Variants in LRRFIP1 observed in about 807,000 individuals in gnomAD.
LRRFIP1 encodes the protein leucine-rich repeat flightless-interacting protein 1.
A neutral mutation model predicts 104.4 loss-of-function variants in LRRFIP1; 62 were observed. The observed-to-expected ratio is 0.59, with a 90% CI of 0.48 to 0.73. LRRFIP1 has a LOEUF of 0.73. LRRFIP1 is among the 30% of genes least tolerant of loss of function. LRRFIP1 has a pLI of 0.00. For missense variants in LRRFIP1, 796 were observed against 824.5 expected (o/e 0.97, Z 0.42); for synonymous variants, 300 against 299.0 (o/e 1.00, Z -0.03).
chr2:237,744,133 G>C (rs1304350937), intron 11 of LRRFIP1, among the ~76,000 whole-genome samples: 2 of 152,218 alleles, frequency 1.3e-5, no homozygotes, highest in African/African-American at 4.8e-5. Flanking sequence ...AGAGTTCAAA[G>C]ATAAGTCATT....
chr2:237,720,488 G>A (rs1435995226), intron 5 of LRRFIP1, among the ~76,000 whole-genome samples: 1 of 152,064 alleles, frequency 6.6e-6, no homozygotes, highest in Non-Finnish European at 1.5e-5. Context: ...GACCTCAAGT[G>A]ATCTGCCTGC....
intron 19 of LRRFIP1, among the ~76,000 whole-genome samples, chr2:237,767,002 T>C (rs2150899445): frequency 6.6e-6 from 1 of 152,178 alleles, no homozygotes; most frequent in Non-Finnish European, 1.5e-5. Context: ...AAAGCCCATC[T>C]CTACAAAAAA....
At chr2:237,758,653 T>C (rs1020314443) in intron 17 of LRRFIP1, 76 bp from the exon 18 acceptor site, 2 of 981,334 alleles carry the variant, frequency 2.0e-6, no homozygotes, top group Non-Finnish European at 3.2e-6. Flanking sequence ...GAAGCCTCCT[T>C]CTGGTTCCTG....
intron 4 of LRRFIP1, 61 bp from the exon 5 acceptor site, chr2:237,719,462 T>A (rs1026436832): frequency 8.6e-6 from 11 of 1,279,666 alleles, no homozygotes; most frequent in Admixed American, 8.6e-5. Flanking sequence ...TAAGCTTTTT[T>A]AAAGCACTTT....
Position 237,627,684 on chromosome 2 carries a change from C to G in LRRFIP1, c.40C>G (p.Pro14Ala), listed in dbSNP as rs2081740798. 1 of 1,372,100 alleles carries G rather than the reference C, an allele frequency of 7.3e-7. No homozygotes were observed. The highest frequency in any genetic ancestry group is 1.5e-5 in the African/African-American group (1 of 66,236). The allele number at this position is 1,372,100 out of a possible 1,614,324, so 85.0% of individuals were successfully genotyped here. The change falls in exon 1 of 24, where the codon CCC becomes GCC. Residue 14 changes from proline to alanine, a missense_variant. Coordinates refer to ENST00000308482, the MANE Select transcript of LRRFIP1 (RefSeq NM_001137550.2). ...GTQGSGRKRL[P>A]NRERLTAEDD... ...CCAGGGATCGGGGCGCAAGCGGCTC[C>G]CCAACCGGGAGCGGCTCACGGCGGA...
At chr2:237,742,579 C>T (rs1375768867) in intron 11 of LRRFIP1, among the ~76,000 whole-genome samples, 4 of 152,242 alleles carry the variant, frequency 2.6e-5, no homozygotes, top group Non-Finnish European at 4.4e-5. Context: ...AGCTCATTTC[C>T]ATAATTTCCA....
intron 1 of LRRFIP1, among the ~76,000 whole-genome samples, chr2:237,678,719 G>T (rs912384241): frequency 1.9e-4 from 29 of 151,944 alleles, no homozygotes; most frequent in African/African-American, 6.8e-4. Context: ...TGCTGGCCAG[G>T]CTGGTCTCAA....
chr2:237,745,481 A>C (rs1004065350), intron 11 of LRRFIP1, among the ~76,000 whole-genome samples: 1 of 152,232 alleles, frequency 6.6e-6, no homozygotes, highest in African/African-American at 2.4e-5. Context: ...TAAAAACAGC[A>C]AACTATGGTT....
chr2:237,687,746 T>C (rs1016492504), intron 1 of LRRFIP1, among the ~76,000 whole-genome samples: 1 of 152,180 alleles, frequency 6.6e-6, no homozygotes, highest in African/African-American at 2.4e-5. Flanking sequence ...AAACAGATGT[T>C]AGGGCTCTGA....
Position 237,761,097 on chromosome 2 carries a change from T to C in LRRFIP1, c.1459+892T>C, listed in dbSNP as rs185972361. Among the ~76,000 whole-genome samples the C allele has an allele frequency of 2.9e-3, 442 of 152,302 alleles. 4 individuals are homozygous for C. Among genetic ancestry groups the C allele is most frequent in the South Asian group, 0.013 (65 of 4,820 alleles). On this transcript the variant is annotated intron_variant, in intron 19 of 23. Coordinates refer to ENST00000308482, the MANE Select transcript of LRRFIP1 (RefSeq NM_001137550.2). Reference sequence around the variant, plus strand: ...TGACTTTTCATTTTAATGTAGAAGCTTTCATCTTATTTCTTTTTATTTATG... The same window carrying C: ...TGACTTTTCATTTTAATGTAGAAGCCTTCATCTTATTTCTTTTTATTTATG...
intron 8 of LRRFIP1, among the ~76,000 whole-genome samples, chr2:237,728,276 G>A (rs779431806): frequency 6.6e-6 from 1 of 152,154 alleles, no homozygotes; most frequent in African/African-American, 2.4e-5. Flanking sequence ...AGTATATTCA[G>A]CTTTCAAAGA....
At chr2:237,666,013 G>A (rs1403661717) in intron 1 of LRRFIP1, among the ~76,000 whole-genome samples, 1 of 152,238 alleles carries the variant, frequency 6.6e-6, no homozygotes, top group African/African-American at 2.4e-5. Context: ...CCTCGGTCCT[G>A]TTCACAAGCA....
intron 6 of LRRFIP1, among the ~76,000 whole-genome samples, chr2:237,722,368 C>A (rs912898036): frequency 6.6e-6 from 1 of 152,156 alleles, no homozygotes; most frequent in Middle Eastern, 3.2e-3. Context: ...AAAGAATGTT[C>A]AGTTTCTTCA....
At chr2:237,708,821 C>T (rs180827524) in intron 2 of LRRFIP1, 191 bp downstream of exon 2, 6 of 708,032 alleles carry the variant, frequency 8.5e-6, no homozygotes, top group Non-Finnish European at 1.6e-5. Context: ...ACCAGGCGTG[C>T]CTGCTCAGAC....
chr2:237,733,471 T>C (rs1464498886), intron 8 of LRRFIP1, among the ~76,000 whole-genome samples: 2 of 152,234 alleles, frequency 1.3e-5, no homozygotes, highest in Admixed American at 6.5e-5. Context: ...CACCATTCTG[T>C]CTCATCCCCT....
chr2:237,700,241 C>G (rs2093439505), intron 1 of LRRFIP1, among the ~76,000 whole-genome samples: 1 of 152,116 alleles, frequency 6.6e-6, no homozygotes, highest in Non-Finnish European at 1.5e-5. Context: ...GGAAAGGGAT[C>G]CCGTGTCACA....
intron 1 of LRRFIP1, among the ~76,000 whole-genome samples, chr2:237,664,086 G>T (rs1447718915): frequency 6.6e-6 from 1 of 152,156 alleles, no homozygotes; most frequent in African/African-American, 2.4e-5. Context: ...GCTGCAGAGA[G>T]ACCCAAGGGA....
At chr2:237,665,710 A>G (rs1370915333) in intron 1 of LRRFIP1, among the ~76,000 whole-genome samples, 3 of 152,150 alleles carry the variant, frequency 2.0e-5, no homozygotes, top group African/African-American at 7.2e-5. Flanking sequence ...AGCATGGCTG[A>G]GTTGGCTGTT....
At chr2:237,758,385 C>T (rs542331381) in intron 17 of LRRFIP1, among the ~76,000 whole-genome samples, 2 of 152,310 alleles carry the variant, frequency 1.3e-5, no homozygotes, top group South Asian at 2.1e-4. Flanking sequence ...ACTGACCCCT[C>T]ATTCAAGTGG....
Sources: allele counts gnomAD v4.1 joint callset (sites outside exome capture counted in the v4.1 genomes callset), GRCh38; gene constraint gnomAD v4.1.1; transcripts MANE v1.5; gene names NCBI Gene and HGNC (gene_info 2026-07-23, HGNC 2026-07-21).